HOMER2: variants seen among roughly 807,000 people sequenced by gnomAD.
HOMER2 encodes the protein homer scaffold protein 2.
In HOMER2, 27 loss-of-function variants were observed where a neutral mutation model predicts 47.0. The observed-to-expected ratio is 0.57, with a 90% CI of 0.42 to 0.79. The LOEUF is 0.79. Ranked by LOEUF, HOMER2 falls within the 30% of genes least tolerant of loss-of-function variation. The pLI is 0.00. For synonymous variants in HOMER2, 161 were observed against 163.8 expected, an observed-to-expected ratio of 0.98 and a Z score of 0.13; for missense variants, 443 against 435.0, an observed-to-expected ratio of 1.02 and a Z score of -0.16.
At chr15:82,946,390 T>G (rs564354873) in intron 1 of HOMER2, among the ~76,000 whole-genome samples, 1 of 152,214 alleles carries the variant, frequency 6.6e-6, no homozygotes, top group Non-Finnish European at 1.5e-5. Flanking sequence ...CTCCCTGACC[T>G]CTTCACCTTC....
In HOMER2 at chr15:82,926,172, G is replaced by T. The variant is rs1596359725; in HGVS notation, c.5+26359C>A. On this transcript the variant is annotated intron_variant, in intron 1 of 8. Coordinates refer to ENST00000450735, the MANE Select transcript of HOMER2 (RefSeq NM_004839.4). The stretch of plus-strand genomic sequence containing the variant: ...CTGCTATCACAAAATACGAGAGGCT[G>T]CGTATAGCTTATAAACAACAGAAAT... The T allele has an allele frequency of 2.0e-5, 3 of 152,256 alleles. 1 individual carries two copies. The South Asian group carries it at 6.2e-4, about 31-fold the overall frequency. 9.4% of individuals were successfully genotyped at this position (152,256 alleles called of 1,614,324 possible).
intron 1 of HOMER2, among the ~76,000 whole-genome samples, chr15:82,978,794 C>G (rs1483401969): frequency 6.6e-6 from 1 of 152,178 alleles, no homozygotes; most frequent in Non-Finnish European, 1.5e-5. Context: ...AATCTCAGCT[C>G]ACTGCAACCT....
At chr15:82,859,543 G>A (rs2051704092) in intron 4 of HOMER2, among the ~76,000 whole-genome samples, 1 of 152,154 alleles carries the variant, frequency 6.6e-6, no homozygotes, top group African/African-American at 2.4e-5. Flanking sequence ...CACAAGGGAG[G>A]AGGGACTCTT....
At chr15:82,909,604 G>T (rs1488942998) in intron 1 of HOMER2, among the ~76,000 whole-genome samples, 1 of 152,034 alleles carries the variant, frequency 6.6e-6, no homozygotes, top group African/African-American at 2.4e-5. Context: ...AGGCTAGGAG[G>T]GGGTCATTTA....
intron 1 of HOMER2, among the ~76,000 whole-genome samples, chr15:82,944,184 C>T (rs914797077): frequency 5.9e-5 from 9 of 152,116 alleles, no homozygotes; most frequent in African/African-American, 1.7e-4. Context: ...AACAGCACCC[C>T]GGTGGCAGAA....
chr15:82,924,945 C>T (rs2053820202), intron 1 of HOMER2, among the ~76,000 whole-genome samples: 1 of 152,184 alleles, frequency 6.6e-6, no homozygotes. Context: ...CAGTTATTTC[C>T]CACACCTTTG....
chr15:82,939,755 T>G (rs929196405), intron 1 of HOMER2, among the ~76,000 whole-genome samples: 4 of 152,210 alleles, frequency 2.6e-5, no homozygotes, highest in African/African-American at 9.6e-5. Flanking sequence ...GACTGACAGC[T>G]TTGGTAGGCT....
At chr15:82,937,676 T>C (rs1426378936) in intron 1 of HOMER2, among the ~76,000 whole-genome samples, 1 of 152,194 alleles carries the variant, frequency 6.6e-6, no homozygotes, top group East Asian at 1.9e-4. Context: ...AACAGAACAA[T>C]GACTGGCAAC....
At chr15:82,841,424 A>G (rs1396603582) in exon 2 of HOMER2, 1 of 152,186 alleles carries the variant, frequency 6.6e-6, no homozygotes, top group Non-Finnish European at 1.5e-5. Context: ...TTTTCATCAA[A>G]CTAGAAATAG....
intron 1 of HOMER2, among the ~76,000 whole-genome samples, chr15:82,910,290 G>C (rs2053416032): frequency 6.6e-6 from 1 of 152,144 alleles, no homozygotes; most frequent in South Asian, 2.1e-4. Flanking sequence ...TTGACTCGTG[G>C]GTTGGTAAGA....
At position 82,904,405 on chromosome 15, in the gene HOMER2, G is replaced by C. The variant is rs566107795; in HGVS notation, c.6-11564C>G. ...AAACTCCAGAGGGATCCAATCATAG[G>C]GGGGCCTGCCCACTGTCTTCAGTTT... On this transcript the variant is annotated intron_variant, in intron 1 of 8. Transcript: ENST00000450735. 5.3e-5 allele frequency among the ~76,000 whole-genome samples: 8 copies of C among 152,318 alleles called. No homozygotes were observed. The South Asian group carries it at 1.7e-3, about 32-fold the overall frequency.
intron 1 of HOMER2, chr15:82,951,953 G>A: frequency 1.8e-6 from 1 of 561,320 alleles, no homozygotes; most frequent in Non-Finnish European, 2.3e-6. Context: ...CTTCGACAGA[G>A]TATTTCAACT....
intron 1 of HOMER2, among the ~76,000 whole-genome samples, chr15:82,933,966 G>T (rs1258196760): frequency 1.3e-5 from 2 of 152,088 alleles, no homozygotes; most frequent in African/African-American, 4.8e-5. Flanking sequence ...TGCCCTGGAT[G>T]TTCCCAAATC....
chr15:82,851,309 C>A, intron 7 of HOMER2, 78 bp from the exon 8 acceptor site: 2 of 1,002,546 alleles, frequency 2.0e-6, no homozygotes, highest in South Asian at 1.4e-5. Flanking sequence ...AATGTGTGCA[C>A]GCTCGTGGAA....
intron 1 of HOMER2, among the ~76,000 whole-genome samples, chr15:82,973,219 C>T (rs971048192): frequency 6.6e-6 from 1 of 152,196 alleles, no homozygotes; most frequent in Admixed American, 6.5e-5. Context: ...TCTTGACCAC[C>T]CTGCCATCCA....
chr15:82,918,434 T>G (rs537372876), intron 1 of HOMER2, among the ~76,000 whole-genome samples: 1 of 152,206 alleles, frequency 6.6e-6, no homozygotes, highest in South Asian at 2.1e-4. Context: ...TGCTCAGATT[T>G]CTCTCCTACC....
chr15:82,905,469 A>G (rs1372730804), intron 1 of HOMER2, among the ~76,000 whole-genome samples: 2 of 152,166 alleles, frequency 1.3e-5, no homozygotes, highest in Admixed American at 6.5e-5. Flanking sequence ...CAGGAAGCTC[A>G]GAGAACACCC....
intron 1 of HOMER2, among the ~76,000 whole-genome samples, chr15:82,928,301 G>A (rs140175044): frequency 7.4e-4 from 112 of 152,260 alleles, no homozygotes; most frequent in Non-Finnish European, 1.3e-3. Flanking sequence ...AACATTGGAA[G>A]CCTTTAGAAC....
At chr15:82,961,031 C>T (rs2054626634) in intron 1 of HOMER2, among the ~76,000 whole-genome samples, 1 of 152,246 alleles carries the variant, frequency 6.6e-6, no homozygotes, top group South Asian at 2.1e-4. Context: ...CTGTGTAGGG[C>T]AGAGATGCCT....
Sources: allele counts gnomAD v4.1 joint callset (sites outside exome capture counted in the v4.1 genomes callset), GRCh38; gene constraint gnomAD v4.1.1; transcripts MANE v1.5; gene names NCBI Gene and HGNC (gene_info 2026-07-23, HGNC 2026-07-21).